GRIA1: variants seen among roughly 807,000 people sequenced by gnomAD.
GRIA1 encodes the protein glutamate ionotropic receptor AMPA type subunit 1.
A neutral mutation model predicts 99.2 loss-of-function variants in GRIA1; 31 were observed. The observed-to-expected ratio is 0.31, with a 90% confidence interval of 0.23 to 0.42. The LOEUF (loss-of-function observed/expected upper bound fraction) is 0.42. Among genes scored for constraint, GRIA1 ranks in the 10% least tolerant of loss-of-function variants. The pLI, the probability that GRIA1 is intolerant of heterozygous loss-of-function variation, is 1.00. For missense variants in GRIA1, 782 were observed against 1,157.5 expected (o/e 0.68, Z 4.71); for synonymous variants, 438 against 432.4 (o/e 1.01, Z -0.16).
rs1217969979 is a variant in GRIA1 at position 153,494,034 on chromosome 5, C to T, written c.189C>T (p.Asn63=). 5 of 1,613,908 alleles carry T rather than the reference C, an allele frequency of 3.1e-6. No individual in the cohort carries two copies. In the Admixed American group the frequency reaches 6.7e-5, roughly 22 times the overall value. The change falls in exon 2 of 16, where the codon AAC becomes AAT. Residue 63 remains asparagine, a synonymous_variant. Coordinates refer to ENST00000285900, the MANE Select transcript of GRIA1 (RefSeq NM_000827.4). ...TGCTCCCCCAGATTGATATTGTGAACATCAGCGACAGCTTTGAGATGACCT... is the reference window on the plus strand; with the variant it reads ...TGCTCCCCCAGATTGATATTGTGAATATCAGCGACAGCTTTGAGATGACCT... ...PKLLPQIDIV[N]ISDSFEMTYR...
chr5:153,510,871 G>C (rs977482252), intron 2 of GRIA1, among the ~76,000 whole-genome samples: 5 of 152,130 alleles, frequency 3.3e-5, no homozygotes, highest in Non-Finnish European at 7.4e-5. Flanking sequence ...AGCTCATTTA[G>C]TCAGTGCTTC....
chr5:153,499,750 G>A (rs1179044542), intron 2 of GRIA1, among the ~76,000 whole-genome samples: 1 of 151,914 alleles, frequency 6.6e-6, no homozygotes, highest in Non-Finnish European at 1.5e-5. Context: ...TTCCAAGGCA[G>A]AAGCTATGAC....
intron 10 of GRIA1, among the ~76,000 whole-genome samples, chr5:153,702,381 C>A (rs1758588220): frequency 6.6e-6 from 1 of 152,128 alleles, no homozygotes; most frequent in Non-Finnish European, 1.5e-5. Flanking sequence ...ACTTGCTGGC[C>A]CCGACTTTTC....
At chr5:153,620,701 C>A (rs1427359681) in intron 2 of GRIA1, among the ~76,000 whole-genome samples, 1 of 151,958 alleles carries the variant, frequency 6.6e-6, no homozygotes, top group Admixed American at 6.6e-5. Context: ...TTTTTTGGTA[C>A]CTATTTATAA....
intron 2 of GRIA1, among the ~76,000 whole-genome samples, chr5:153,578,255 A>C (rs1325385956): frequency 1.3e-5 from 2 of 152,058 alleles, no homozygotes; most frequent in Non-Finnish European, 2.9e-5. Context: ...TGAGAGAAGG[A>C]AACATGAAGG....
At chr5:153,652,528 T>C (rs1754649957) in intron 4 of GRIA1, among the ~76,000 whole-genome samples, 1 of 152,204 alleles carries the variant, frequency 6.6e-6, no homozygotes, top group Admixed American at 6.5e-5. Flanking sequence ...AAACCTATCT[T>C]GGTCTGGCCA....
chr5:153,554,017 A>T (rs1760391817), intron 2 of GRIA1, among the ~76,000 whole-genome samples: 1 of 152,128 alleles, frequency 6.6e-6, no homozygotes, highest in African/African-American at 2.4e-5. Context: ...ATTGCTCAAG[A>T]TCACATAATT....
chr5:153,734,121 C>T (rs1039871703), intron 11 of GRIA1, among the ~76,000 whole-genome samples: 2 of 152,162 alleles, frequency 1.3e-5, no homozygotes, highest in African/African-American at 4.8e-5. Context: ...CCTTCTCTGC[C>T]CCATTTTCCC....
At chr5:153,565,532 G>T (rs909612106) in intron 2 of GRIA1, among the ~76,000 whole-genome samples, 3 of 152,006 alleles carry the variant, frequency 2.0e-5, no homozygotes, top group East Asian at 1.9e-4. Context: ...TACATTCATC[G>T]CCATAATCTA....
intron 2 of GRIA1, among the ~76,000 whole-genome samples, chr5:153,536,304 C>A (rs1758566805): frequency 6.6e-6 from 1 of 152,098 alleles, no homozygotes; most frequent in Non-Finnish European, 1.5e-5. Flanking sequence ...TCCCTCAGGG[C>A]CAAGTTTAGA....
intron 2 of GRIA1, among the ~76,000 whole-genome samples, chr5:153,525,753 C>A (rs1355465291): frequency 6.6e-6 from 1 of 152,238 alleles, no homozygotes. Context: ...GAATACAAAC[C>A]ACAACCCTCT....
chr5:153,737,814 C>T (rs1324669775), intron 11 of GRIA1, among the ~76,000 whole-genome samples: 4 of 152,096 alleles, frequency 2.6e-5, no homozygotes. Context: ...GAAGTAGGTA[C>T]CTTGTCCATG....
chr5:153,579,391 A>G (rs968927599), intron 2 of GRIA1, among the ~76,000 whole-genome samples: 2 of 152,230 alleles, frequency 1.3e-5, no homozygotes, highest in Non-Finnish European at 2.9e-5. Flanking sequence ...TTTAACCTCA[A>G]GAAATAAAAA....
intron 2 of GRIA1, among the ~76,000 whole-genome samples, chr5:153,542,800 C>T (rs1005043603): frequency 1.4e-4 from 22 of 152,304 alleles, no homozygotes; most frequent in African/African-American, 4.8e-4. Context: ...AGGTGGCCCT[C>T]CTATGTCCTT....
At chr5:153,555,060 T>A (rs1760494913) in intron 2 of GRIA1, among the ~76,000 whole-genome samples, 1 of 152,138 alleles carries the variant, frequency 6.6e-6, no homozygotes, top group Non-Finnish European at 1.5e-5. Flanking sequence ...GAACCTCTGA[T>A]TCTCAGTGAT....
At chr5:153,794,869 C>T (rs1479295963) in intron 14 of GRIA1, 134 bp downstream of exon 14, 2 of 628,862 alleles carry the variant, frequency 3.2e-6, no homozygotes, top group African/African-American at 1.9e-5. Context: ...AAAGGGAAGC[C>T]CTTTGGTTGA....
At chr5:153,719,092 AT>A (rs1759866278) in intron 11 of GRIA1, among the ~76,000 whole-genome samples, 1 of 152,104 alleles carries the variant, frequency 6.6e-6, no homozygotes, top group African/African-American at 2.4e-5. Context: ...CATTAGGTTC[AT>A]TTTTCTTTAC....
At chr5:153,614,710 T>C (rs1766315743) in intron 2 of GRIA1, among the ~76,000 whole-genome samples, 1 of 152,228 alleles carries the variant, frequency 6.6e-6, no homozygotes, top group Non-Finnish European at 1.5e-5. Context: ...ATTGTTTGAT[T>C]GATAAGCCAT....
intron 7 of GRIA1, among the ~76,000 whole-genome samples, chr5:153,685,973 T>G (rs1276197580): frequency 6.6e-6 from 1 of 152,230 alleles, no homozygotes; most frequent in Admixed American, 6.5e-5. Context: ...GTATGCACTC[T>G]GACCCATTGT....
Sources: gnomAD v4.1 joint callset for allele counts (sites outside exome capture counted in the v4.1 genomes callset) on GRCh38, gnomAD v4.1.1 for gene constraint, MANE v1.5 for transcripts, NCBI Gene and HGNC (gene_info 2026-07-23, HGNC 2026-07-21) for gene names.